The following IPO5 variants were observed in gnomAD, a reference collection of about 807,000 sequenced individuals.
IPO5 encodes the protein importin-5.
A neutral mutation model predicts 143.3 loss-of-function variants in IPO5; 18 were observed. The observed-to-expected ratio is 0.13, with a 90% CI of 0.09 to 0.19. The LOEUF (loss-of-function observed/expected upper bound fraction) is 0.19. Among genes scored for constraint, IPO5 ranks in the 10% least tolerant of loss-of-function variants. The probability of loss-of-function intolerance (pLI) is 1.00; values close to 1 mark genes in which losing one functional copy is unlikely to be tolerated. For synonymous variants in IPO5, 477 were observed against 465.7 expected, an observed-to-expected ratio of 1.02 and a Z score of -0.31; for missense variants, 1,013 against 1,336.9, an observed-to-expected ratio of 0.76 and a Z score of 3.78.
At chr13:97,975,822 C>A in intron 3 of IPO5, 1 of 612,494 alleles carries the variant, frequency 1.6e-6, no homozygotes, top group Non-Finnish European at 2.0e-6. Flanking sequence ...CATCCGAAGA[C>A]GACCGCGGGC....
intron 9 of IPO5, among the ~76,000 whole-genome samples, chr13:97,992,552 T>G (rs1424780495): frequency 6.6e-6 from 1 of 152,126 alleles, no homozygotes; most frequent in Non-Finnish European, 1.5e-5. Flanking sequence ...GAGCGAGACC[T>G]TATCACTGAA....
At chr13:97,972,378 T>C (rs1226662850) in intron 3 of IPO5, among the ~76,000 whole-genome samples, 2 of 152,060 alleles carry the variant, frequency 1.3e-5, no homozygotes, top group Admixed American at 1.3e-4. Flanking sequence ...AGAGCAGTAG[T>C]GGGAGAGATT....
rs531249465 is a variant in IPO5 at position 98,015,607 on chromosome 13, T to C, written c.2403T>C (p.Leu801=). 6.2e-7 allele frequency: 1 copy of C among 1,611,926 alleles called. No homozygotes were observed. Among genetic ancestry groups the C allele is most frequent in the South Asian group, 1.1e-5 (1 of 90,836 alleles). The part of the protein sequence containing the change: ...EELGGILKAK[L]EEHFKNQELR... ...TGGGAGGTATATTGAAAGCAAAGCTTGAAGAACATTTTAAAAATCAAGAAT... is the reference window on the plus strand; with the variant it reads ...TGGGAGGTATATTGAAAGCAAAGCTCGAAGAACATTTTAAAAATCAAGAAT... The change falls in exon 23 of 29, where the codon CTT becomes CTC. Residue 801 remains leucine (L), a synonymous_variant. Transcript: ENST00000651721.
intron 6 of IPO5, chr13:97,986,946 G>C (rs917440327): frequency 3.9e-5 from 6 of 152,466 alleles, no homozygotes; most frequent in Non-Finnish European, 8.8e-5. Context: ...TGGGCTTTTA[G>C]TGTTGTTTGA....
rs59658983 is a variant in IPO5 at position 98,012,801 on chromosome 13, A to ATTTTTTTTT, written c.2152+477_2152+485dup. ...ACAACACCAAGCCCAGCTAGATTTG[A>ATTTTTTTTT]TTTTTTTTTTTTTTTTTTTTTTTTT... On this transcript the variant is annotated intron_variant, in intron 21 of 28. Coordinates refer to ENST00000651721, the MANE Select transcript of IPO5 (RefSeq NM_002271.6). Among the ~76,000 whole-genome samples, 175 of 109,148 alleles carry ATTTTTTTTT rather than the reference A, an allele frequency of 1.6e-3. 1 individual carries two copies. Among genetic ancestry groups the ATTTTTTTTT allele is most frequent in the African/African-American group, 5.4e-3 (161 of 29,612 alleles). 71.6% of individuals were successfully genotyped at this position (109,148 alleles called of 152,430 possible). A position where few individuals can be genotyped will look rare whatever the true frequency, so the allele number is the denominator to read the frequency against.
chr13:97,981,275 G>A (rs1233312290), intron 4 of IPO5: 3 of 456,072 alleles, frequency 6.6e-6, no homozygotes, highest in Admixed American at 2.4e-5. Context: ...AACCTGTGTA[G>A]CACTGCATAA....
At position 98,006,303 on chromosome 13, in the gene IPO5, T is replaced by C. The variant is rs752531313; in HGVS notation, c.1671T>C (p.Thr557=). The C allele has an allele frequency of 5.0e-6, 8 of 1,603,484 alleles. No homozygotes were observed. The South Asian group carries it at 7.7e-5, about 15-fold the overall frequency. The change falls in exon 17 of 29, where the codon ACT becomes ACC. Residue 557 remains threonine (T), a synonymous_variant. Coordinates refer to ENST00000651721, the MANE Select transcript of IPO5 (RefSeq NM_002271.6). ...QKELRLLRGK[T]IECISLIGLA... Reference sequence around the variant, plus strand: ...AACTGAGACTTCTGAGAGGAAAAACTATTGAATGCATTAGCCTCATTGGTC... The same window carrying C: ...AACTGAGACTTCTGAGAGGAAAAACCATTGAATGCATTAGCCTCATTGGTC...
intron 4 of IPO5, chr13:97,981,272 G>A (rs1013615642): frequency 1.1e-5 from 5 of 455,972 alleles, no homozygotes; most frequent in African/African-American, 4.0e-5. Context: ...TGAAACCTGT[G>A]TAGCACTGCA....
intron 2 of IPO5, among the ~76,000 whole-genome samples, chr13:97,964,964 G>C (rs961815939): frequency 6.6e-6 from 1 of 152,136 alleles, no homozygotes; most frequent in Non-Finnish European, 1.5e-5. Flanking sequence ...TGATAGACTG[G>C]ATAAAGAAAA....
intron 2 of IPO5, among the ~76,000 whole-genome samples, chr13:97,954,907 C>A (rs1412542127): frequency 2.6e-5 from 4 of 152,138 alleles, no homozygotes. Context: ...AGAGTTAAAA[C>A]TCTGGAATGC....
At chr13:98,006,053 T>G in intron 16 of IPO5, 77 bp from the exon 17 acceptor site, 1 of 954,508 alleles carries the variant, frequency 1.0e-6, no homozygotes, top group Non-Finnish European at 1.7e-6. Flanking sequence ...TTCAAGAACT[T>G]GAAGGGAGTA....
chr13:97,955,448 T>A (rs1375990390), intron 2 of IPO5, among the ~76,000 whole-genome samples: 1 of 152,138 alleles, frequency 6.6e-6, no homozygotes, highest in Admixed American at 6.6e-5. Context: ...TGTTGGCAGC[T>A]ACAATAAATG....
At chr13:97,976,041 G>C (rs1886263193) in intron 3 of IPO5, 2 of 833,606 alleles carry the variant, frequency 2.4e-6, no homozygotes, top group African/African-American at 1.9e-5. Flanking sequence ...CCTGGGGGTG[G>C]GTGAAGGGCT....
chr13:97,976,713 C>T lies in IPO5; in HGVS notation c.17C>T (p.Ala6Val). Residue 6 changes from alanine to valine, a missense_variant, in exon 4 of 29, where the codon GCG becomes GTG. Ala to Val is a moderately conservative substitution (Grantham distance 64, BLOSUM62 0). Transcript: ENST00000651721. MAAAA[A>V]EQQQFYLLLG... The stretch of plus-strand genomic sequence containing the variant: ...CCTAGCGCAATGGCGGCGGCCGCGG[C>T]GGAGCAGCAACAGTTCTACCTGCTC... 1 of 1,391,646 alleles carries T rather than the reference C, an allele frequency of 7.2e-7. No homozygotes were observed. The highest frequency in any genetic ancestry group is 9.5e-7 in the Non-Finnish European group (1 of 1,047,132). The allele number at this position is 1,391,646 out of a possible 1,614,324, so 86.2% of individuals were successfully genotyped here.
chr13:98,009,235 A>C (rs985922150), intron 18 of IPO5, among the ~76,000 whole-genome samples: 1 of 152,224 alleles, frequency 6.6e-6, no homozygotes, highest in African/African-American at 2.4e-5. Context: ...TGCTCAATAG[A>C]TAAATAGGTA....
intron 3 of IPO5, among the ~76,000 whole-genome samples, chr13:97,973,792 G>A (rs535232959): frequency 1.6e-4 from 24 of 152,136 alleles, no homozygotes; most frequent in South Asian, 4.1e-4. Flanking sequence ...GCTCCTAGCC[G>A]GGTGTGGTGG....
chr13:97,970,050 T>C lies in IPO5; in HGVS notation c.-5+220T>C, dbSNP rs1594028476. 2.6e-5 allele frequency: 12 copies of C among 460,604 alleles called. No homozygotes were observed. In the East Asian group the frequency reaches 3.9e-4, roughly 15 times the overall value. The allele number at this position is 460,604 out of a possible 1,614,324, so 28.5% of individuals were successfully genotyped here. ...ACAAAGTATGTAGGACACCTATGTGTAGCTAGTTGGCTATTTTATTCTCCA... is the reference window on the plus strand; with the variant it reads ...ACAAAGTATGTAGGACACCTATGTGCAGCTAGTTGGCTATTTTATTCTCCA... On this transcript the variant is annotated intron_variant, in intron 3 of 28. Transcript: ENST00000651721.
intron 2 of IPO5, among the ~76,000 whole-genome samples, chr13:97,958,202 T>C (rs1457038038): frequency 6.6e-6 from 1 of 152,128 alleles, no homozygotes; most frequent in South Asian, 2.1e-4. Context: ...TCCACAACTT[T>C]AAATGCCATG....
At chr13:97,991,516 G>A (rs189416676) in intron 9 of IPO5, among the ~76,000 whole-genome samples, 3 of 152,320 alleles carry the variant, frequency 2.0e-5, no homozygotes, top group African/African-American at 4.8e-5. Flanking sequence ...CTTGGGAGTA[G>A]AAGTGTTTCG....
Sources: allele counts gnomAD v4.1 joint callset (sites outside exome capture counted in the v4.1 genomes callset), GRCh38; gene constraint gnomAD v4.1.1; transcripts MANE v1.5; gene names NCBI Gene and HGNC (gene_info 2026-07-23, HGNC 2026-07-21).